Variants in TSHZ2 observed in about 807,000 individuals in gnomAD.
TSHZ2 encodes teashirt homolog 2.
In TSHZ2, 21 loss-of-function variants were observed where a neutral mutation model predicts 74.4. The observed-to-expected ratio is 0.28, with a 90% CI of 0.20 to 0.41. The LOEUF (loss-of-function observed/expected upper bound fraction) is 0.41. Ranked by LOEUF, TSHZ2 falls within the 10% of genes least tolerant of loss-of-function variation. The pLI is 1.00. For synonymous variants in TSHZ2, 540 were observed against 515.3 expected, an observed-to-expected ratio of 1.05 and a Z score of -0.65; for missense variants, 1,244 against 1,293.5, an observed-to-expected ratio of 0.96 and a Z score of 0.59.
intron 1 of TSHZ2, among the ~76,000 whole-genome samples, chr20:53,169,799 G>T (rs1988150914): frequency 6.6e-6 from 1 of 152,016 alleles, no homozygotes; most frequent in Admixed American, 6.6e-5. Context: ...AATAAATTTT[G>T]CACATGTGCA....
chr20:53,151,979 T>C (rs1343697073), intron 1 of TSHZ2, among the ~76,000 whole-genome samples: 1 of 152,150 alleles, frequency 6.6e-6, no homozygotes, highest in Non-Finnish European at 1.5e-5. Context: ...ATACAAAGAT[T>C]CTCTTCTGTT....
At chr20:53,444,096 G>A (rs1490985141) in intron 2 of TSHZ2, among the ~76,000 whole-genome samples, 1 of 152,160 alleles carries the variant, frequency 6.6e-6, no homozygotes, top group Non-Finnish European at 1.5e-5. Context: ...AAACCAGGAT[G>A]AGAAGTCACC....
At chr20:53,392,142 T>C (rs1201705132) in intron 2 of TSHZ2, among the ~76,000 whole-genome samples, 2 of 152,114 alleles carry the variant, frequency 1.3e-5, no homozygotes, top group Admixed American at 1.3e-4. Context: ...AGCAATGAAA[T>C]ATTGGGCAGT....
intron 2 of TSHZ2, among the ~76,000 whole-genome samples, chr20:53,426,791 T>G (rs1983672357): frequency 6.6e-6 from 1 of 152,214 alleles, no homozygotes. Context: ...GAGGGGAAGC[T>G]CATACATCCC....
intron 2 of TSHZ2, among the ~76,000 whole-genome samples, chr20:53,411,805 G>C (rs969621871): frequency 1.3e-5 from 2 of 152,186 alleles, no homozygotes; most frequent in South Asian, 2.1e-4. Context: ...CTTAAGCCAG[G>C]ATGACAGAGC....
intron 1 of TSHZ2, among the ~76,000 whole-genome samples, chr20:53,221,531 T>C (rs1475396196): frequency 6.6e-6 from 1 of 151,942 alleles, no homozygotes. Flanking sequence ...TGTGACGGAG[T>C]GGTATAAGAA....
intron 2 of TSHZ2, among the ~76,000 whole-genome samples, chr20:53,350,809 A>C (rs1274664394): frequency 3.9e-5 from 6 of 152,188 alleles, no homozygotes; most frequent in Admixed American, 3.9e-4. Context: ...ATTTCTCTGA[A>C]TATTATAGTA....
At chr20:53,369,922 T>G (rs1981407479) in intron 2 of TSHZ2, among the ~76,000 whole-genome samples, 1 of 152,210 alleles carries the variant, frequency 6.6e-6, no homozygotes. Flanking sequence ...CTTTCTTTAA[T>G]GCAAAGATGG....
At chr20:53,414,406 G>A (rs1463625999) in intron 2 of TSHZ2, among the ~76,000 whole-genome samples, 2 of 152,138 alleles carry the variant, frequency 1.3e-5, no homozygotes, top group Non-Finnish European at 2.9e-5. Context: ...GATTGCTTGA[G>A]CCCAGGAGTT....
intron 1 of TSHZ2, among the ~76,000 whole-genome samples, chr20:53,108,016 T>G: frequency 6.6e-6 from 1 of 152,242 alleles, no homozygotes; most frequent in Non-Finnish European, 1.5e-5. Flanking sequence ...GTTTTGTTTT[T>G]AATTTTTCTA....
chr20:53,205,938 G>A (rs998533525), intron 1 of TSHZ2, among the ~76,000 whole-genome samples: 5 of 152,132 alleles, frequency 3.3e-5, no homozygotes, highest in Admixed American at 3.3e-4. Context: ...AAAGACATAT[G>A]GGCCGGGCAC....
intron 2 of TSHZ2, among the ~76,000 whole-genome samples, chr20:53,413,180 C>G (rs534547575): frequency 6.6e-6 from 1 of 152,302 alleles, no homozygotes; most frequent in South Asian, 2.1e-4. Context: ...ACATAGTCCT[C>G]AGAGAGAGCT....
chr20:53,403,875 A>AT (rs1393997395), intron 2 of TSHZ2, among the ~76,000 whole-genome samples: 1 of 152,194 alleles, frequency 6.6e-6, no homozygotes, highest in Non-Finnish European at 1.5e-5. Flanking sequence ...GAATGGATGC[A>AT]TTCTTTACAC....
intron 2 of TSHZ2, among the ~76,000 whole-genome samples, chr20:53,316,732 T>C (rs1039542472): frequency 6.6e-6 from 1 of 152,154 alleles, no homozygotes; most frequent in Admixed American, 6.5e-5. Flanking sequence ...GGGTGAGTCA[T>C]GCTCTCACTG....
chr20:53,235,853 A>T (rs1989929357), intron 1 of TSHZ2, among the ~76,000 whole-genome samples: 1 of 152,210 alleles, frequency 6.6e-6, no homozygotes, highest in African/African-American at 2.4e-5. Context: ...TAAGAATGAA[A>T]GATAAAATAA....
intron 2 of TSHZ2, among the ~76,000 whole-genome samples, chr20:53,274,530 C>T (rs933516097): frequency 6.6e-6 from 1 of 152,186 alleles, no homozygotes; most frequent in Non-Finnish European, 1.5e-5. Flanking sequence ...TTGGCATCCC[C>T]GTGATTACTG....
At chr20:53,461,122 G>T (rs1407253320) in intron 2 of TSHZ2, among the ~76,000 whole-genome samples, 148 of 152,094 alleles carry the variant, frequency 9.7e-4, no homozygotes, top group African/African-American at 3.1e-3. Context: ...GGGCAATGGC[G>T]GGCGCCCCTC....
chr20:53,349,813 CACAA>C (rs1208737881), intron 2 of TSHZ2, among the ~76,000 whole-genome samples: 1 of 152,150 alleles, frequency 6.6e-6, no homozygotes, highest in Non-Finnish European at 1.5e-5. Flanking sequence ...AACAAGTTAG[CACAA>C]ACAGTGGCTT....
In TSHZ2 at chr20:53,255,548, C is replaced by T; in HGVS notation, c.2090C>T (p.Ala697Val). 6.3e-7 allele frequency: 1 copy of T among 1,584,724 alleles called. No homozygotes were observed. Among genetic ancestry groups the T allele is most frequent in the Non-Finnish European group, 8.6e-7 (1 of 1,167,080 alleles). Residue 697 changes from alanine (A) to valine (V), a missense_variant, in exon 2 of 3, where the codon GCC (alanine) becomes GTC (valine). Physicochemically the swap from Ala to Val is moderately conservative, Grantham distance 64. Transcript: ENST00000371497. The surrounding 1 kb of genome is among the most constrained non-coding windows in gnomAD (Gnocchi z 4.1). ...PALPCINPLS[A>V]LQSVLNNHLG... ...CTGCCATGCATCAACCCACTCAGCG[C>T]CCTGCAGTCCGTCCTGAACAATCAC...
Sources: allele counts gnomAD v4.1 joint callset (sites outside exome capture counted in the v4.1 genomes callset), GRCh38; gene constraint gnomAD v4.1.1; non-coding constraint Gnocchi (gnomAD v3.1); transcripts MANE v1.5; gene names NCBI Gene and HGNC (gene_info 2026-07-23, HGNC 2026-07-21).